ELOVL1: variants seen among roughly 807,000 people sequenced by gnomAD.
ELOVL1 encodes the protein ELOVL fatty acid elongase 1, also known as very long chain fatty acid elongase 1.
Under a neutral mutation model 37.8 loss-of-function variants are expected in ELOVL1, and 10 were observed. The ratio of observed to expected loss-of-function variants is 0.26; its 90% CI spans 0.16 to 0.45. The LOEUF (loss-of-function observed/expected upper bound fraction) is 0.45, where lower values mean the gene tolerates loss of function less well. Among genes scored for constraint, ELOVL1 ranks in the 20% least tolerant of loss-of-function variants. The pLI is 1.00. For synonymous variants in ELOVL1, 133 were observed against 123.8 expected (o/e 1.07, Z -0.49); for missense variants, 256 against 352.7 (o/e 0.73, Z 2.20).
Position 43,364,252 on chromosome 1 carries a change from A to T in ELOVL1, c.618+72T>A. The T allele has an allele frequency of 6.2e-7, 1 of 1,611,896 alleles. No individual in the cohort carries two copies. Among genetic ancestry groups the T allele is most frequent in the Non-Finnish European group, 8.5e-7 (1 of 1,178,766 alleles). ...AGAGATGGGGTCAAAGGTGAGACAG[A>T]CTGGATAAAGGCAGGATCCAGGCTA... is the stretch of plus-strand genomic sequence containing the variant. On this transcript the variant is annotated intron_variant, in intron 7 of 7. Coordinates refer to ENST00000372458, the MANE Select transcript of ELOVL1 (RefSeq NM_022821.4). This position sits in a 1 kb window ranked among gnomAD's most constrained non-coding sequence, Gnocchi z 5.2.
rs778388458 is a variant in ELOVL1 at position 43,364,184 on chromosome 1, G to C, written c.619-47C>G. 6.2e-7 allele frequency: 1 copy of C among 1,610,808 alleles called. No individual in the cohort carries two copies. The highest frequency in any genetic ancestry group is 1.7e-5 in the Admixed American group (1 of 59,966). On this transcript the variant is annotated intron_variant, in intron 7 of 7. Coordinates refer to ENST00000372458, the MANE Select transcript of ELOVL1 (RefSeq NM_022821.4). This position sits in a 1 kb window ranked among gnomAD's most constrained non-coding sequence, Gnocchi z 5.2. ...GTCAGAGGGAATAGTGAGAGGACTA[G>C]AGGGGAAGAGGGGGTAGAGAAAGAG...
intron 1 of ELOVL1, chr1:43,367,113 C>T (rs967183878): frequency 2.0e-5 from 3 of 152,602 alleles, no homozygotes; most frequent in Non-Finnish European, 2.9e-5. Flanking sequence ...GGTCCACACC[C>T]ACCTCTCACC....
chr1:43,364,108 G>T lies in ELOVL1; in HGVS notation c.648C>A (p.Ile216=), dbSNP rs775471577. 6.8e-6 allele frequency: 11 copies of T among 1,614,048 alleles called. 1 individual carries two copies. In the Admixed American group the frequency reaches 1.7e-4, roughly 24 times the overall value. ...AGCTGGACATAAAGTAGTACTGGGA[G>T]ATGTGCAGTGAGACCAGGACAAACT... ...LIQFVLVSLH[I]SQYYFMSSCN... is the part of the protein sequence containing the mutation. The change falls in exon 8 of 8, where the codon ATC becomes ATA. Residue 216 remains isoleucine (I), a synonymous_variant. Coordinates refer to ENST00000372458, the MANE Select transcript of ELOVL1 (RefSeq NM_022821.4). This position sits in a 1 kb window ranked among gnomAD's most constrained non-coding sequence, Gnocchi z 5.2.
chr1:43,364,211 C>CAT lies in ELOVL1; in HGVS notation c.619-75_619-74insAT. The CAT allele has an allele frequency of 6.2e-7, 1 of 1,609,418 alleles. No homozygotes were observed. Among genetic ancestry groups the CAT allele is most frequent in the Non-Finnish European group, 8.5e-7 (1 of 1,177,042 alleles). ...GGGGAAGAGGGGGTAGAGAAAGAGA[C>CAT]AAACGTTGAGTAGGGAGAGATGGGG... On this transcript the variant is annotated intron_variant, in intron 7 of 7. Coordinates refer to ENST00000372458, the MANE Select transcript of ELOVL1 (RefSeq NM_022821.4). This position sits in a 1 kb window ranked among gnomAD's most constrained non-coding sequence, Gnocchi z 5.2.
rs1234086595 is a variant in ELOVL1 at position 43,365,083 on chromosome 1, T to C, written c.238-75A>G. On this transcript the variant is annotated intron_variant, in intron 3 of 7. Transcript: ENST00000372458. ...CCCTCCCCTTCGCTAGCTGAGGACA[T>C]GGATCTGAACCTCTCTGGAAAGGAG... 5.0e-6 allele frequency: 8 copies of C among 1,594,128 alleles called. No homozygotes were observed. The African/African-American group carries it at 9.4e-5, about 19-fold the overall frequency.
Position 43,363,537 on chromosome 1 carries a change from G to C in ELOVL1, c.*379C>G. On this transcript the variant is annotated 3_prime_UTR_variant, in exon 8 of 8. Coordinates refer to ENST00000372458, the MANE Select transcript of ELOVL1 (RefSeq NM_022821.4). ...GTGTGTGGGGTGGAGGAGTGAGACT[G>C]GGTCCACAGTGACATTATTGCTGAC... 1 of 372,354 alleles carries C rather than the reference G, an allele frequency of 2.7e-6. No homozygotes were observed. Among genetic ancestry groups the C allele is most frequent in the Non-Finnish European group, 4.9e-6 (1 of 202,938 alleles). 23.1% of individuals were successfully genotyped at this position (372,354 alleles called of 1,614,324 possible). A position where few individuals can be genotyped will look rare whatever the true frequency, so the allele number is the denominator to read the frequency against.
Position 43,365,203 on chromosome 1 carries a change from G to T in ELOVL1, c.220C>A (p.Leu74Ile). The change falls in exon 3 of 8, where the codon CTC becomes ATC. Residue 74 changes from leucine (L) to isoleucine (I), a missense_variant. Coordinates refer to ENST00000372458, the MANE Select transcript of ELOVL1 (RefSeq NM_022821.4). ...VYNFSLVALS[L>I]YIVYEFLMSG... is the part of the protein sequence containing the mutation. ...GGGCCCACCTCATAGACAATGTAGA[G>T]GGAGAGTGCCACCAGTGAGAAGTTG... The T allele has an allele frequency of 6.2e-7, 1 of 1,614,154 alleles. No individual in the cohort carries two copies. The highest frequency in any genetic ancestry group is 8.5e-7 in the Non-Finnish European group (1 of 1,180,026).
At chr1:43,365,073 G>GT in intron 3 of ELOVL1, 65 bp from the exon 4 acceptor site, 1 of 1,592,800 alleles carries the variant, frequency 6.3e-7, no homozygotes. Flanking sequence ...CCCTTCGCTA[G>GT]CTGAGGACAT....
chr1:43,365,098 C>T (rs1484274151), intron 3 of ELOVL1, 88 bp downstream of exon 3: 15 of 1,598,300 alleles, frequency 9.4e-6, no homozygotes, highest in Non-Finnish European at 1.3e-5. Flanking sequence ...CTGAACCTCT[C>T]TGGAAAGGAG....
At chr1:43,365,769 AG>A (rs1647223135) in intron 1 of ELOVL1, 146 bp from the exon 2 acceptor site, 2 of 871,916 alleles carry the variant, frequency 2.3e-6, no homozygotes. Flanking sequence ...ACTGGGAACT[AG>A]GGGGAGGAGG....
rs1201234379 is a variant in ELOVL1, at chr1:43,364,995, C to T, written c.251G>A (p.Gly84Asp). The change falls in exon 4 of 8, where the codon GGC becomes GAC. Residue 84 changes from glycine to aspartate, a missense_variant. By Grantham distance (94) the Gly-to-Asp change is moderately conservative (BLOSUM62 -1). Around this residue, in one of 3 missense-constraint regions of ELOVL1, gnomAD observed 158 missense variants for 189.4 expected, o/e 0.83. Coordinates refer to ENST00000372458, the MANE Select transcript of ELOVL1 (RefSeq NM_022821.4). The surrounding 1 kb of genome is among the most constrained non-coding windows in gnomAD (Gnocchi z 5.2). Reference sequence around the variant, plus strand: ...GCGCCAGGTATAGGTGCTCAGCCAGCCCGACATCAGGAACTGGGAAGGGAT... The same window carrying T: ...GCGCCAGGTATAGGTGCTCAGCCAGTCCGACATCAGGAACTGGGAAGGGAT... ...LYIVYEFLMS[G>D]WLSTYTWRCD... The T allele has an allele frequency of 6.2e-7, 1 of 1,613,422 alleles. No homozygotes were observed. The highest frequency in any genetic ancestry group is 1.3e-5 in the African/African-American group (1 of 75,020).
chr1:43,365,122 T>C, intron 3 of ELOVL1, 64 bp downstream of exon 3: 2 of 1,605,328 alleles, frequency 1.2e-6, no homozygotes, highest in African/African-American at 1.3e-5. Context: ...TGCCATGCTC[T>C]GGCTCTATGG....
At chr1:43,366,843 C>G (rs1304459199) in intron 1 of ELOVL1, among the ~76,000 whole-genome samples, 2 of 151,994 alleles carry the variant, frequency 1.3e-5, no homozygotes, top group Non-Finnish European at 2.9e-5. Context: ...GAAGGAATGT[C>G]GGGGGAAGGC....
In ELOVL1 at chr1:43,364,201, G is replaced by C; in HGVS notation, c.619-64C>G. On this transcript the variant is annotated intron_variant, in intron 7 of 7. Coordinates refer to ENST00000372458, the MANE Select transcript of ELOVL1 (RefSeq NM_022821.4). This position sits in a 1 kb window ranked among gnomAD's most constrained non-coding sequence, Gnocchi z 5.2. The stretch of plus-strand genomic sequence containing the variant: ...GAGGACTAGAGGGGAAGAGGGGGTA[G>C]AGAAAGAGACAAACGTTGAGTAGGG... 2 of 1,609,904 alleles carry C rather than the reference G, an allele frequency of 1.2e-6. No homozygotes were observed. The highest frequency in any genetic ancestry group is 1.7e-6 in the Non-Finnish European group (2 of 1,176,894).
Position 43,365,226 on chromosome 1 carries a change from T to C in ELOVL1, c.197A>G (p.Asn66Ser). The C allele has an allele frequency of 6.2e-7, 1 of 1,614,078 alleles. No homozygotes were observed. The highest frequency in any genetic ancestry group is 8.5e-7 in the Non-Finnish European group (1 of 1,180,018). The change falls in exon 3 of 8, where the codon AAC becomes AGC. Residue 66 changes from asparagine (N) to serine (S), a missense_variant. Asn to Ser is a conservative substitution (Grantham distance 46). Coordinates refer to ENST00000372458, the MANE Select transcript of ELOVL1 (RefSeq NM_022821.4). ...GAGGGAGAGTGCCACCAGTGAGAAGTTGTAGACAATCATGAAGCCACGGAG... is the reference window on the plus strand; with the variant it reads ...GAGGGAGAGTGCCACCAGTGAGAAGCTGTAGACAATCATGAAGCCACGGAG... The part of the protein sequence containing the change: ...FQLRGFMIVY[N>S]FSLVALSLYI...
rs1235874061 is a variant in ELOVL1 at position 43,364,491 on chromosome 1, G to A, written c.482-31C>T. ...AGTGGACAATAAGACAGGGTCAGCAGAGTCCAGCCTCTGGTGCCCACCCTT... is the reference window on the plus strand; with the variant it reads ...AGTGGACAATAAGACAGGGTCAGCAAAGTCCAGCCTCTGGTGCCCACCCTT... On this transcript the variant is annotated intron_variant, in intron 6 of 7. Coordinates refer to ENST00000372458, the MANE Select transcript of ELOVL1 (RefSeq NM_022821.4). The surrounding 1 kb of genome is among the most constrained non-coding windows in gnomAD (Gnocchi z 5.2). 1.2e-6 allele frequency: 2 copies of A among 1,614,124 alleles called. No homozygotes were observed. The highest frequency in any genetic ancestry group is 2.2e-5 in the East Asian group (1 of 44,884).
At chr1:43,366,155 T>C in intron 1 of ELOVL1, 1 of 178,434 alleles carries the variant, frequency 5.6e-6, no homozygotes, top group Non-Finnish European at 1.2e-5. Context: ...GCCAGGACTC[T>C]CACCTCTCTG....
At position 43,365,533 on chromosome 1, in the gene ELOVL1, G is replaced by A. The variant is rs554144189; in HGVS notation, c.46+31C>T. 4.0e-5 allele frequency: 65 copies of A among 1,614,130 alleles called. No homozygotes were observed. The South Asian group carries it at 6.0e-4, about 15-fold the overall frequency. On this transcript the variant is annotated intron_variant, in intron 2 of 7. Coordinates refer to ENST00000372458, the MANE Select transcript of ELOVL1 (RefSeq NM_022821.4). ...TAGATCCAGGGATCCCGGGAAAGAA[G>A]GAAGGAAAGGGCTGGTGGATAGCGT... is the stretch of plus-strand genomic sequence containing the variant.
rs537079947 is a variant in ELOVL1 at position 43,364,165 on chromosome 1, G to A, written c.619-28C>T. ...AGGATAGAGAAAGACCAGGGTCAGA[G>A]GGAATAGTGAGAGGACTAGAGGGGA... On this transcript the variant is annotated intron_variant, in intron 7 of 7. Coordinates refer to ENST00000372458, the MANE Select transcript of ELOVL1 (RefSeq NM_022821.4). This position sits in a 1 kb window ranked among gnomAD's most constrained non-coding sequence, Gnocchi z 5.2. The A allele has an allele frequency of 9.0e-5, 146 of 1,613,310 alleles. No homozygotes were observed. Among genetic ancestry groups the A allele is most frequent in the Non-Finnish European group, 1.2e-4 (144 of 1,179,450 alleles).
Sources: allele counts gnomAD v4.1 joint callset (sites outside exome capture counted in the v4.1 genomes callset), GRCh38; gene constraint gnomAD v4.1.1; regional missense constraint gnomAD v4.1.1; non-coding constraint Gnocchi (gnomAD v3.1); transcripts MANE v1.5; gene names NCBI Gene and HGNC (gene_info 2026-07-23, HGNC 2026-07-21).